The following ZNF273 variants were observed in gnomAD, a reference collection of about 807,000 sequenced individuals.
ZNF273 encodes the protein zinc finger protein 9.
ZNF273 carries 11 observed loss-of-function variants against 14.9 expected under a neutral mutation model. The ratio of observed to expected loss-of-function variants is 0.74; its 90% CI spans 0.46 to 1.22. The LOEUF (loss-of-function observed/expected upper bound fraction) is 1.22, where lower values mean the gene tolerates loss of function less well. Among genes scored for constraint, ZNF273 ranks in the 50% most tolerant of loss-of-function variants. The pLI is 0.00. For synonymous variants in ZNF273, 199 were observed against 223.9 expected (o/e 0.89, Z 0.99); for missense variants, 577 against 660.6 (o/e 0.87, Z 1.39).
upstream of ZNF273, among the ~76,000 whole-genome samples, chr7:64,900,794 C>CGTAA (rs1310912288): frequency 6.6e-6 from 1 of 152,118 alleles, no homozygotes; most frequent in Admixed American, 6.5e-5. Context: ...TCAGACATTA[C>CGTAA]CTTCTCAAGA....
At chr7:64,912,826 G>GTTTTTTTTTTTTTTGTTTTT (rs1793640282) in intron 1 of ZNF273, among the ~76,000 whole-genome samples, 1 of 36,568 alleles carries the variant, frequency 2.7e-5, no homozygotes, top group Non-Finnish European at 5.7e-5. Flanking sequence ...ATTCATTTTA[G>GTTTTTTTTTTTTTTGTTTTT]TTTTTTTTTT....
chr7:64,891,826 T>G (rs916031516), downstream of ZNF273, among the ~76,000 whole-genome samples: 8 of 152,358 alleles, frequency 5.3e-5, no homozygotes, highest in Non-Finnish European at 1.0e-4. Flanking sequence ...CACATTTATC[T>G]AAACCTTTCA....
chr7:64,934,539 A>T (rs180897484), downstream of ZNF273, among the ~76,000 whole-genome samples: 56 of 152,228 alleles, frequency 3.7e-4, 1 homozygote, highest in Admixed American at 1.8e-3. Flanking sequence ...ATGTTGCTAT[A>T]ATTTTCTTAG....
intron 3 of ZNF273, among the ~76,000 whole-genome samples, chr7:64,919,617 A>G (rs926468392): frequency 2.6e-5 from 4 of 152,194 alleles, no homozygotes; most frequent in Admixed American, 1.3e-4. Flanking sequence ...TGGGCAACAG[A>G]GCAAAACGGT....
chr7:64,883,342 A>G (rs549050291), downstream of ZNF273, among the ~76,000 whole-genome samples: 1 of 152,104 alleles, frequency 6.6e-6, no homozygotes, highest in African/African-American at 2.4e-5. Context: ...TCCTGTGCGC[A>G]GGGCTCCTTG....
chr7:64,917,616 C>T lies in ZNF273; in HGVS notation c.138C>T (p.Phe46=), dbSNP rs1049298887. ...CATTTAGGGATGTGGCCATAGAATTCTCTCTGGAGGAGTGGCAATGCCTGG... is the reference window on the plus strand; with the variant it reads ...CATTTAGGGATGTGGCCATAGAATTTTCTCTGGAGGAGTGGCAATGCCTGG... The part of the protein sequence containing the change: ...PLTFRDVAIE[F]SLEEWQCLDT... Residue 46 remains phenylalanine (F), a synonymous_variant, in exon 2 of 4, where the codon TTC becomes TTT. Transcript: ENST00000476120. 6.3e-7 allele frequency: 1 copy of T among 1,599,790 alleles called. No individual in the cohort carries two copies. The highest frequency in any genetic ancestry group is 1.3e-5 in the African/African-American group (1 of 74,522).
Position 64,885,595 on chromosome 7 carries a change from C to T in ZNF273, n.273+2810C>T, listed in dbSNP as rs552563736. Among the ~76,000 whole-genome samples, 6 of 152,304 alleles carry T rather than the reference C, an allele frequency of 3.9e-5. No individual in the cohort carries two copies. In the South Asian group the frequency reaches 1.0e-3, roughly 26 times the overall value. On this transcript the variant is annotated intron_variant and non_coding_transcript_variant, in intron 1 of 1. Coordinates refer to the ZNF273 transcript ENST00000471926. ...CACCTACACCTCCAGACCTCTAGGTCGCCCTGGGTTAATACTGAGACTAGA... is the reference window on the plus strand; with the variant it reads ...CACCTACACCTCCAGACCTCTAGGTTGCCCTGGGTTAATACTGAGACTAGA...
Position 64,928,266 on chromosome 7 carries a change from C to T in ZNF273, c.938C>T (p.Thr313Ile), listed in dbSNP as rs1158954578. ...CTTACTAAACATAAGATAATTCATA[C>T]AGGAACAAAACCCTACAATTGTGAA... is the stretch of plus-strand genomic sequence containing the variant. ...SVLTKHKIIH[T>I]GTKPYNCEEC... The change falls in exon 4 of 4, where the codon ACA becomes ATA. Residue 313 changes from threonine to isoleucine, a missense_variant. Physicochemically the swap from Thr to Ile is moderately conservative, Grantham distance 89 (BLOSUM62 -1). This residue lies in a region of ZNF273 where 411 missense variants were observed against 440.4 expected (regional missense o/e 0.93). Transcript: ENST00000476120. The T allele has an allele frequency of 6.2e-7, 1 of 1,612,556 alleles. No individual in the cohort carries two copies. Among genetic ancestry groups the T allele is most frequent in the Admixed American group, 1.7e-5 (1 of 59,704 alleles).
At chr7:64,903,882 G>A (rs1264721984) in intron 1 of ZNF273, among the ~76,000 whole-genome samples, 1 of 152,210 alleles carries the variant, frequency 6.6e-6, no homozygotes, top group Non-Finnish European at 1.5e-5. Context: ...TGGTCCATGG[G>A]AAGGGCTTGA....
chr7:64,928,549 T>A lies in ZNF273; in HGVS notation c.1221T>A (p.Cys407Ter). ...AGAAACCCTACAAATGTGAAGAATGTGGTAAAGCCTTTAAACGGTCCACAA... is the reference window on the plus strand; with the variant it reads ...AGAAACCCTACAAATGTGAAGAATGAGGTAAAGCCTTTAAACGGTCCACAA... Reference protein sequence around the residue: ...TGEKPYKCEECGKAFKRSTTL... With the variant: ...TGEKPYKCEE The change falls in exon 4 of 4, where the codon TGT becomes TGA. Residue 407 changes from cysteine to a stop codon, truncating the protein, a stop_gained. Coordinates refer to ENST00000476120, the MANE Select transcript of ZNF273 (RefSeq NM_021148.3). LOFTEE classifies it high-confidence loss of function. 1 of 1,613,918 alleles carries A rather than the reference T, an allele frequency of 6.2e-7. No individual in the cohort carries two copies. Among genetic ancestry groups the A allele is most frequent in the South Asian group, 1.1e-5 (1 of 91,076 alleles).
At chr7:64,898,571 A>T (rs992076875), upstream of ZNF273, among the ~76,000 whole-genome samples, 1 of 152,336 alleles carries the variant, frequency 6.6e-6, no homozygotes, top group East Asian at 1.9e-4. Context: ...ATAAATCCAT[A>T]TTGAGTACTA....
the ZNF273 span, among the ~76,000 whole-genome samples, chr7:64,936,258 C>A: frequency 2.7e-3 from 407 of 152,248 alleles, no homozygotes; most frequent in Non-Finnish European, 4.7e-3. Context: ...GGAACAAATG[C>A]CATTAGCTGC....
At chr7:64,934,754 GT>G (rs201966608), downstream of ZNF273, among the ~76,000 whole-genome samples, 2 of 150,206 alleles carry the variant, frequency 1.3e-5, no homozygotes, top group Admixed American at 1.3e-4. Context: ...TAACTTTAGT[GT>G]TTTTTTTTCT....
chr7:64,888,512 G>A lies in ZNF273; in HGVS notation n.274-61G>A. 3 of 985,850 alleles carry A rather than the reference G, an allele frequency of 3.0e-6. No homozygotes were observed. The South Asian group carries it at 1.4e-4, about 46-fold the overall frequency. 61.1% of individuals were successfully genotyped at this position (985,850 alleles called of 1,614,324 possible). A position where few individuals can be genotyped will look rare whatever the true frequency, so the allele number is the denominator to read the frequency against. On this transcript the variant is annotated intron_variant and non_coding_transcript_variant, in intron 1 of 1. Transcript: ENST00000471926. ...TGGGCCCACGAATACCCTATTGATG[G>A]TGAGAATTAAGAGATACGAAACCCA...
At chr7:64,911,603 T>A (rs1459945673) in intron 1 of ZNF273, among the ~76,000 whole-genome samples, 2 of 146,962 alleles carry the variant, frequency 1.4e-5, no homozygotes, top group African/African-American at 2.5e-5. Flanking sequence ...TAATGTTCAT[T>A]TTGTCATTTC....
chr7:64,880,506 G>C (rs1791214864), downstream of ZNF273, among the ~76,000 whole-genome samples: 1 of 151,498 alleles, frequency 6.6e-6, no homozygotes, highest in Non-Finnish European at 1.5e-5. Flanking sequence ...GATGGCGGCT[G>C]TGTGTGTGTG....
At position 64,928,016 on chromosome 7, in the gene ZNF273, A is replaced by G. The variant is rs760716406; in HGVS notation, c.688A>G (p.Arg230Gly). The change falls in exon 4 of 4, where the codon AGA becomes GGA. Residue 230 changes from arginine to glycine, a missense_variant. Coordinates refer to ENST00000476120, the MANE Select transcript of ZNF273 (RefSeq NM_021148.3). ...QLTQHKKTAT[R>G]VNFYKCKTCG... The stretch of plus-strand genomic sequence containing the variant: ...AACTCAGCATAAGAAAACTGCTACT[A>G]GAGTGAATTTCTACAAATGTAAGAC... The G allele has an allele frequency of 1.9e-6, 3 of 1,607,424 alleles. No homozygotes were observed. The highest frequency in any genetic ancestry group is 2.5e-6 in the Non-Finnish European group (3 of 1,177,354).
rs1794975673 is a variant in ZNF273 at position 64,930,822 on chromosome 7, A to G, written c.*1784A>G. On this transcript the variant is annotated 3_prime_UTR_variant, in exon 4 of 4. Coordinates refer to ENST00000476120, the MANE Select transcript of ZNF273 (RefSeq NM_021148.3). ...TTGATACAGGTATATAATATGTAAT[A>G]ATCACATCAGGGTAAATGAGGTATC... 1 of 152,158 alleles carries G rather than the reference A, an allele frequency of 6.6e-6. No homozygotes were observed. The highest frequency in any genetic ancestry group is 1.5e-5 in the Non-Finnish European group (1 of 67,994). The allele number at this position is 152,158 out of a possible 1,614,324, so 9.4% of individuals were successfully genotyped here.
intron 1 of ZNF273, among the ~76,000 whole-genome samples, chr7:64,910,765 TA>T (rs200707793): frequency 0.56 from 73,398 of 131,336 alleles, 22,292 homozygotes; most frequent in African/African-American, 0.69. Flanking sequence ...ATCTGTAATT[TA>T]TTTTTTTTTT....
Sources: allele counts gnomAD v4.1 joint callset (sites outside exome capture counted in the v4.1 genomes callset), GRCh38; gene constraint gnomAD v4.1.1; regional missense constraint gnomAD v4.1.1; transcripts MANE v1.5; gene names NCBI Gene and HGNC (gene_info 2026-07-23, HGNC 2026-07-21).